CCDC187: variants seen among roughly 807,000 people sequenced by gnomAD.
CCDC187 encodes coiled-coil domain containing 187.
CCDC187 carries 32 observed loss-of-function variants against 38.0 expected under a neutral mutation model. The ratio of observed to expected loss-of-function variants is 0.84; its 90% CI spans 0.64 to 1.13. The LOEUF is 1.13. Ranked by LOEUF, CCDC187 falls within the 50% of genes most tolerant of loss-of-function variation. The pLI is 0.00. For synonymous variants in CCDC187, 333 were observed against 347.9 expected (o/e 0.96, Z 0.48); for missense variants, 707 against 786.8 (o/e 0.90, Z 1.21).
chr9:136,261,386 G>A (rs1395829760), intron 19 of CCDC187, among the ~76,000 whole-genome samples: 2 of 152,146 alleles, frequency 1.3e-5, no homozygotes, highest in South Asian at 2.1e-4. Context: ...GCTACACATC[G>A]CTGGTGTGAC....
At chr9:136,296,300 C>T (rs944786938) in intron 4 of CCDC187, 5 of 152,260 alleles carry the variant, frequency 3.3e-5, no homozygotes, top group Non-Finnish European at 7.3e-5. Context: ...CAATCTCAGG[C>T]GTTCACTCCA....
intron 23 of CCDC187, 59 bp from the exon 24 acceptor site, chr9:136,256,382 C>T: frequency 1.2e-6 from 1 of 842,120 alleles, no homozygotes; most frequent in Non-Finnish European, 1.4e-6. Context: ...CTGTCCACCT[C>T]CCGTAGCTGG....
At chr9:136,290,382 G>A (rs907035349) in intron 6 of CCDC187, 104 bp downstream of exon 6, 71 of 397,736 alleles carry the variant, frequency 1.8e-4, no homozygotes, top group African/African-American at 1.1e-3. Context: ...GCCCTCGCCC[G>A]GCCACTCCCT....
intron 14 of CCDC187, among the ~76,000 whole-genome samples, chr9:136,270,151 T>G (rs1830816031): frequency 6.6e-6 from 1 of 152,216 alleles, no homozygotes; most frequent in Non-Finnish European, 1.5e-5. Flanking sequence ...CTACGGGGCT[T>G]AGCAGGTGTT....
intron 5 of CCDC187, 42 bp from the exon 6 acceptor site, chr9:136,291,687 G>A (rs1442183638): frequency 7.5e-6 from 3 of 398,570 alleles, no homozygotes; most frequent in Admixed American, 4.4e-5. Flanking sequence ...GGGAGCGGAG[G>A]GGAGAGCAAA....
chr9:136,271,177 T>G (rs111368740), intron 14 of CCDC187, among the ~76,000 whole-genome samples: 1 of 152,112 alleles, frequency 6.6e-6, no homozygotes, highest in African/African-American at 2.4e-5. Context: ...ATTTCCAAAT[T>G]TGAAGAAAAT....
At chr9:136,268,367 A>G (rs1554761957) in intron 14 of CCDC187, among the ~76,000 whole-genome samples, 1 of 152,220 alleles carries the variant, frequency 6.6e-6, no homozygotes. Context: ...CCAGACCAAA[A>G]GTAGAGGAAG....
chr9:136,299,162 G>A (rs941814947), intron 3 of CCDC187, among the ~76,000 whole-genome samples: 7 of 152,162 alleles, frequency 4.6e-5, no homozygotes, highest in Non-Finnish European at 7.4e-5. Context: ...GGGCTCAGGC[G>A]GAACCGGATC....
chr9:136,302,940 T>C lies in CCDC187; in HGVS notation c.497A>G (p.Gln166Arg), dbSNP rs1437197562. ...RDKIRAQAWQ[Q>R]GSCASLGTSA... Reference sequence around the variant, plus strand: ...GGTGCCCAGGGACGCACAGCTCCCCTGCTGCCACGCCTGGGCCCGGATCTT... The same window carrying C: ...GGTGCCCAGGGACGCACAGCTCCCCCGCTGCCACGCCTGGGCCCGGATCTT... Residue 166 changes from glutamine (Q) to arginine (R), a missense_variant, in exon 2 of 26, where the codon CAG (glutamine) becomes CGG (arginine). Gln to Arg is a conservative substitution (Grantham distance 43). Coordinates refer to ENST00000638797, the MANE Select transcript of CCDC187 (RefSeq NM_001378188.1). 2.5e-5 allele frequency: 10 copies of C among 398,606 alleles called. No homozygotes were observed. Among genetic ancestry groups the C allele is most frequent in the East Asian group, 1.4e-4 (4 of 28,090 alleles). The allele number at this position is 398,606 out of a possible 1,614,324, so 24.7% of individuals were successfully genotyped here. A position where few individuals can be genotyped will look rare whatever the true frequency, so the allele number is the denominator to read the frequency against.
At chr9:136,255,943 A>G (rs1830606226) in intron 24 of CCDC187, among the ~76,000 whole-genome samples, 1 of 152,124 alleles carries the variant, frequency 6.6e-6, no homozygotes, top group Non-Finnish European at 1.5e-5. Context: ...ATCCCACTGG[A>G]TCAGGTGGCA....
In CCDC187 at chr9:136,253,932, T is replaced by C; in HGVS notation, c.5896A>G (p.Asn1966Asp). Reference protein sequence around the residue: ...AESRAPGPGGNGAPTVLEEAC... With the variant: ...AESRAPGPGGDGAPTVLEEAC... ...TCCTCCAGGACAGTGGGGGCCCCAT[T>C]CCCACCAGGCCCAGGCGCCCGGCTC... The change falls in exon 26 of 26, where the codon AAT (asparagine) becomes GAT (aspartate). Residue 1966 changes from asparagine (N) to aspartate (D), a missense_variant. Transcript: ENST00000638797. 1 of 891,618 alleles carries C rather than the reference T, an allele frequency of 1.1e-6. No homozygotes were observed. The highest frequency in any genetic ancestry group is 1.3e-6 in the Non-Finnish European group (1 of 744,732). The allele number at this position is 891,618 out of a possible 1,614,324, so 55.2% of individuals were successfully genotyped here.
chr9:136,255,702 T>C lies in CCDC187; in HGVS notation c.4648A>G (p.Ile1550Val). ...GCAGCCTCCAGCCAGGTGGAGGAGA[T>C]GCCGGGGACCTCCTGCTGACAGGCC... Reference protein sequence around the residue: ...TEACQQEVPGISSTWLEAAQA... With the variant: ...TEACQQEVPGVSSTWLEAAQA... The change falls in exon 25 of 26, where the codon ATC becomes GTC. Residue 1550 changes from isoleucine to valine, a missense_variant. By Grantham distance (29) the Ile-to-Val change is conservative. Coordinates refer to ENST00000638797, the MANE Select transcript of CCDC187 (RefSeq NM_001378188.1). 1 of 985,448 alleles carries C rather than the reference T, an allele frequency of 1.0e-6. No homozygotes were observed. The highest frequency in any genetic ancestry group is 1.1e-4 in the East Asian group (1 of 8,810). 61.0% of individuals were successfully genotyped at this position (985,448 alleles called of 1,614,324 possible). A position where few individuals can be genotyped will look rare whatever the true frequency, so the allele number is the denominator to read the frequency against.
intron 4 of CCDC187, among the ~76,000 whole-genome samples, chr9:136,293,656 A>T (rs979877626): frequency 1.3e-5 from 2 of 150,546 alleles, no homozygotes; most frequent in South Asian, 2.1e-4. Flanking sequence ...ACTCATGCTC[A>T]CACTCTGTCA....
At position 136,291,540 on chromosome 9, in the gene CCDC187, C is replaced by G. The variant is rs1831331075; in HGVS notation, c.1073G>C (p.Ser358Thr). 1.0e-5 allele frequency: 4 copies of G among 398,786 alleles called. No individual in the cohort carries two copies. In the South Asian group the frequency reaches 5.1e-4, roughly 51 times the overall value. 24.7% of individuals were successfully genotyped at this position (398,786 alleles called of 1,614,324 possible). ...CGCTGGCTGGTCGAAGGAAGCCAGG[C>G]TGGGTGTGTTCCCAGACACCTGCTG... is the stretch of plus-strand genomic sequence containing the variant. The part of the protein sequence containing the change: ...SDQQVSGNTP[S>T]LASFDQPATI... The change falls in exon 6 of 26, where the codon AGC becomes ACC. Residue 358 changes from serine to threonine, a missense_variant. Coordinates refer to ENST00000638797, the MANE Select transcript of CCDC187 (RefSeq NM_001378188.1).
rs1333556935 is a variant in CCDC187, at chr9:136,286,158, T to C, written c.2760A>G (p.Thr920=). The change falls in exon 8 of 26, where the codon ACA becomes ACG. Residue 920 remains threonine, a synonymous_variant. Coordinates refer to ENST00000638797, the MANE Select transcript of CCDC187 (RefSeq NM_001378188.1). The part of the protein sequence containing the change: ...LPPTYFLDGE[T]LSWGPSWEQQ... ...GCTCCCAGCTGGGGCCCCACGACAGTGTCTCGCCGTCCAGGAAGTAGGTCG... is the reference window on the plus strand; with the variant it reads ...GCTCCCAGCTGGGGCCCCACGACAGCGTCTCGCCGTCCAGGAAGTAGGTCG... 1 of 398,552 alleles carries C rather than the reference T, an allele frequency of 2.5e-6. No homozygotes were observed. The highest frequency in any genetic ancestry group is 4.4e-6 in the Non-Finnish European group (1 of 226,008). 24.7% of individuals were successfully genotyped at this position (398,552 alleles called of 1,614,324 possible). A position where few individuals can be genotyped will look rare whatever the true frequency, so the allele number is the denominator to read the frequency against.
intron 19 of CCDC187, among the ~76,000 whole-genome samples, chr9:136,261,727 C>T (rs1254330159): frequency 6.6e-6 from 1 of 152,238 alleles, no homozygotes; most frequent in Non-Finnish European, 1.5e-5. Flanking sequence ...GGACGCTCCC[C>T]CAGGCAGACA....
At chr9:136,265,293 G>T (rs1016051588) in intron 17 of CCDC187, among the ~76,000 whole-genome samples, 5 of 152,046 alleles carry the variant, frequency 3.3e-5, no homozygotes. Context: ...CCCCAGCACC[G>T]ACTTTCCCTG....
intron 16 of CCDC187, 81 bp from the exon 17 acceptor site, chr9:136,266,124 T>G (rs1648670149): frequency 2.4e-6 from 2 of 837,660 alleles, no homozygotes; most frequent in African/African-American, 3.7e-5. Context: ...CAGCCAGCCC[T>G]GGTCGGCCAC....
rs1355197948 is a variant in CCDC187 at position 136,262,219 on chromosome 9, C to T, written c.4064+92G>A. The stretch of plus-strand genomic sequence containing the variant: ...GCCACCCCGGCCCCTGAGCCAGGCT[C>T]GTCCACCGGCCACCCGGGGCAGAAA... On this transcript the variant is annotated intron_variant, in intron 19 of 25. Coordinates refer to ENST00000638797, the MANE Select transcript of CCDC187 (RefSeq NM_001378188.1). The T allele has an allele frequency of 4.1e-6, 4 of 974,158 alleles. No individual in the cohort carries two copies. In the African/African-American group the frequency reaches 5.3e-5, roughly 13 times the overall value. 60.3% of individuals were successfully genotyped at this position (974,158 alleles called of 1,614,324 possible). A position where few individuals can be genotyped will look rare whatever the true frequency, so the allele number is the denominator to read the frequency against.
Sources: allele counts gnomAD v4.1 joint callset (sites outside exome capture counted in the v4.1 genomes callset), GRCh38; gene constraint gnomAD v4.1.1; transcripts MANE v1.5; gene names NCBI Gene and HGNC (gene_info 2026-07-23, HGNC 2026-07-21).